Variants in KHDRBS2 observed in about 807,000 individuals in gnomAD.
KHDRBS2 encodes the protein KH domain-containing, RNA-binding, signal transduction-associated protein 2.
KHDRBS2 carries 26 observed loss-of-function variants against 44.3 expected under a neutral mutation model. That is an observed-to-expected ratio of 0.59 (90% confidence interval 0.43 to 0.81). The LOEUF (loss-of-function observed/expected upper bound fraction) is 0.81, where lower values mean the gene tolerates loss of function less well. Among genes scored for constraint, KHDRBS2 ranks in the 40% least tolerant of loss-of-function variants. KHDRBS2 has a pLI of 0.00. For missense variants in KHDRBS2, 476 were observed against 433.1 expected (o/e 1.10, Z -0.88); for synonymous variants, 194 against 151.1 (o/e 1.28, Z -2.08).
At chr6:61,656,531 G>T in the KHDRBS2 span, among the ~76,000 whole-genome samples, 4 of 151,976 alleles carry the variant, frequency 2.6e-5, no homozygotes, top group South Asian at 4.2e-4. Context: ...TTTATATTGC[G>T]TCTCTTTTTA....
the KHDRBS2 span, among the ~76,000 whole-genome samples, chr6:61,595,334 G>C: frequency 6.6e-6 from 1 of 152,082 alleles, no homozygotes; most frequent in South Asian, 2.1e-4. Context: ...TCCATTAAGA[G>C]ATGAACGAAG....
At chr6:61,986,033 AT>A (rs1583977086) in intron 3 of KHDRBS2, among the ~76,000 whole-genome samples, 1 of 152,164 alleles carries the variant, frequency 6.6e-6, no homozygotes, top group East Asian at 1.9e-4. Flanking sequence ...AAAAAAATGA[AT>A]TTTGGAGTCA....
intron 1 of KHDRBS2, among the ~76,000 whole-genome samples, chr6:62,231,949 A>G (rs551201871): frequency 6.6e-6 from 1 of 152,234 alleles, no homozygotes; most frequent in Non-Finnish European, 1.5e-5. Flanking sequence ...TCAATTTGCA[A>G]TATTTCATTG....
intron 4 of KHDRBS2, among the ~76,000 whole-genome samples, chr6:61,935,146 T>G (rs374226662): frequency 6.6e-6 from 1 of 152,162 alleles, no homozygotes; most frequent in East Asian, 1.9e-4. Context: ...TTAGGTAGAT[T>G]CTTGAGGGTT....
At chr6:62,194,921 T>C (rs1211636150) in intron 1 of KHDRBS2, among the ~76,000 whole-genome samples, 1 of 152,138 alleles carries the variant, frequency 6.6e-6, no homozygotes, top group East Asian at 1.9e-4. Context: ...TTTAGGTCCC[T>C]TGGATTTCCA....
chr6:62,108,453 G>A lies in KHDRBS2; in HGVS notation c.220-60459C>T, dbSNP rs545795328. 3.0e-3 allele frequency among the ~76,000 whole-genome samples: 457 copies of A among 152,254 alleles called. 2 individuals carry two copies. The highest frequency in any genetic ancestry group is 4.7e-3 in the Non-Finnish European group (319 of 68,014). On this transcript the variant is annotated intron_variant, in intron 2 of 8. Coordinates refer to ENST00000281156, the MANE Select transcript of KHDRBS2 (RefSeq NM_152688.4). ...ATTAAAAAGTCAGGAAACAACAGGT[G>A]CTGGAGAGGATGTGGAGAAATAGGA...
chr6:61,658,606 G>A, the KHDRBS2 span, among the ~76,000 whole-genome samples: 2 of 151,814 alleles, frequency 1.3e-5, no homozygotes, highest in Non-Finnish European at 2.9e-5. Context: ...CACATTTCCA[G>A]GTTCTAACCT....
At chr6:61,807,348 A>G (rs1346715837) in intron 6 of KHDRBS2, among the ~76,000 whole-genome samples, 1 of 152,154 alleles carries the variant, frequency 6.6e-6, no homozygotes, top group East Asian at 1.9e-4. Flanking sequence ...ATAAATCATT[A>G]TACCATAAAG....
At chr6:62,108,726 A>G (rs1422135896) in intron 2 of KHDRBS2, among the ~76,000 whole-genome samples, 1 of 152,238 alleles carries the variant, frequency 6.6e-6, no homozygotes, top group Non-Finnish European at 1.5e-5. Flanking sequence ...GACTGGATTA[A>G]GAAAACGTGG....
the KHDRBS2 span, among the ~76,000 whole-genome samples, chr6:61,668,593 A>C: frequency 1.5e-4 from 22 of 151,068 alleles, no homozygotes; most frequent in Admixed American, 1.4e-3. Flanking sequence ...TAAACAGTAC[A>C]AGATGGCAAT....
At chr6:61,723,366 GA>G (rs1316660275) in intron 7 of KHDRBS2, among the ~76,000 whole-genome samples, 1 of 152,096 alleles carries the variant, frequency 6.6e-6, no homozygotes, top group Non-Finnish European at 1.5e-5. Flanking sequence ...GGAGGTCAAA[GA>G]ACTGTGCTGA....
At chr6:62,154,154 T>C (rs1245073187) in intron 2 of KHDRBS2, among the ~76,000 whole-genome samples, 1 of 152,184 alleles carries the variant, frequency 6.6e-6, no homozygotes, top group Non-Finnish European at 1.5e-5. Context: ...GAGAAGACTT[T>C]GTAGAAGACA....
intron 3 of KHDRBS2, among the ~76,000 whole-genome samples, chr6:62,002,729 T>A (rs1268309539): frequency 6.6e-6 from 1 of 151,350 alleles, no homozygotes; most frequent in Non-Finnish European, 1.5e-5. Flanking sequence ...CTATTGCATG[T>A]TCTTTTTCTA....
intron 2 of KHDRBS2, among the ~76,000 whole-genome samples, chr6:62,119,300 C>G (rs1180127404): frequency 6.6e-6 from 1 of 152,152 alleles, no homozygotes; most frequent in Admixed American, 6.5e-5. Flanking sequence ...ATACCTTCAA[C>G]CATATGTGGG....
intron 2 of KHDRBS2, among the ~76,000 whole-genome samples, chr6:62,049,717 G>T (rs1788557327): frequency 6.6e-6 from 1 of 151,954 alleles, no homozygotes; most frequent in Admixed American, 6.6e-5. Context: ...TGTTCTGTAG[G>T]TTGCCTGTTC....
At chr6:61,785,568 A>G (rs1656248560) in intron 6 of KHDRBS2, among the ~76,000 whole-genome samples, 1 of 152,120 alleles carries the variant, frequency 6.6e-6, no homozygotes, top group African/African-American at 2.4e-5. Flanking sequence ...TTGGAAAGAC[A>G]TAAAAATTGT....
At chr6:62,241,071 TG>T (rs1367663619) in intron 1 of KHDRBS2, among the ~76,000 whole-genome samples, 1 of 152,072 alleles carries the variant, frequency 6.6e-6, no homozygotes, top group Non-Finnish European at 1.5e-5. Flanking sequence ...TTTTTAAGTA[TG>T]GAAAGAATAA....
intron 6 of KHDRBS2, among the ~76,000 whole-genome samples, chr6:61,800,748 G>T (rs1786123483): frequency 6.6e-6 from 1 of 152,078 alleles, no homozygotes; most frequent in African/African-American, 2.4e-5. Context: ...TGCTATGGAA[G>T]TTTATTTTTA....
chr6:61,846,922 G>A (rs1231652278), intron 6 of KHDRBS2, among the ~76,000 whole-genome samples: 1 of 151,904 alleles, frequency 6.6e-6, no homozygotes, highest in African/African-American at 2.4e-5. Context: ...ATGCTATTTT[G>A]TTCTAGTAAT....
Sources: allele counts gnomAD v4.1 joint callset (sites outside exome capture counted in the v4.1 genomes callset), GRCh38; gene constraint gnomAD v4.1.1; transcripts MANE v1.5; gene names NCBI Gene and HGNC (gene_info 2026-07-23, HGNC 2026-07-21).